RAPGEF2: variants seen among roughly 807,000 people sequenced by gnomAD.
The protein encoded by RAPGEF2 is Rap guanine nucleotide exchange factor 2.
In RAPGEF2, 54 loss-of-function variants were observed where a neutral mutation model predicts 186.7. The observed-to-expected ratio is 0.29, with a 90% CI of 0.23 to 0.36. The LOEUF (loss-of-function observed/expected upper bound fraction) is 0.36, where lower values mean the gene tolerates loss of function less well. RAPGEF2 is among the 10% of genes least tolerant of loss of function. The probability of loss-of-function intolerance (pLI) is 1.00; values close to 1 mark genes in which losing one functional copy is unlikely to be tolerated. For missense variants in RAPGEF2, 1,532 were observed against 2,045.0 expected, an observed-to-expected ratio of 0.75 and a Z score of 4.84; for synonymous variants, 712 against 705.9, an observed-to-expected ratio of 1.01 and a Z score of -0.14.
chr4:159,115,405 G>C (rs1237964030), intron 1 of RAPGEF2, among the ~76,000 whole-genome samples: 1 of 152,132 alleles, frequency 6.6e-6, no homozygotes, highest in Non-Finnish European at 1.5e-5. Flanking sequence ...AAATGAAAAA[G>C]AAAAGAGCAG....
rs1731920718 is a variant in RAPGEF2 at position 159,355,896 on chromosome 4, CGGCTA to C, written c.4696_4700del (p.Gly1566HisfsTer7). ...ATCGAGAGCCCCCGCCCACCCCTCC[CGGCTA>C]CATTGGAATTCCCATTACTGACTTT... On this transcript the variant is annotated frameshift_variant, in exon 29 of 30. Coordinates refer to ENST00000691494, the MANE Select transcript of RAPGEF2 (RefSeq NM_001394067.2). LOFTEE classifies it high-confidence loss of function. 3 of 1,555,840 alleles carry C rather than the reference CGGCTA, an allele frequency of 1.9e-6. No homozygotes were observed. The highest frequency in any genetic ancestry group is 1.9e-5 in the Admixed American group (1 of 51,834).
At position 159,135,099 on chromosome 4, in the gene RAPGEF2, A is replaced by G. The variant is rs146766077; in HGVS notation, c.69+30868A>G. The stretch of plus-strand genomic sequence containing the variant: ...CACTCCGTTGCCCAGGCTGGAGTGC[A>G]GTGGTGTGATTATGGCTCACTGCAG... On this transcript the variant is annotated intron_variant, in intron 1 of 29. Coordinates refer to ENST00000691494, the MANE Select transcript of RAPGEF2 (RefSeq NM_001394067.2). 2.0e-5 allele frequency among the ~76,000 whole-genome samples: 3 copies of G among 152,188 alleles called. No individual in the cohort carries two copies. In the East Asian group the frequency reaches 5.8e-4, roughly 29 times the overall value.
intron 24 of RAPGEF2, 117 bp downstream of exon 24, chr4:159,345,446 G>A (rs1018693442): frequency 2.4e-6 from 2 of 838,430 alleles, no homozygotes; most frequent in African/African-American, 1.7e-5. Context: ...TAGCAATCCT[G>A]AGATATACTA....
intron 4 of RAPGEF2, among the ~76,000 whole-genome samples, chr4:159,223,058 G>A (rs982095796): frequency 6.6e-6 from 1 of 151,924 alleles, no homozygotes; most frequent in African/African-American, 2.4e-5. Context: ...AATAGTGAAG[G>A]AATAGCTTAG....
At chr4:159,181,792 C>T (rs1173803392) in intron 1 of RAPGEF2, among the ~76,000 whole-genome samples, 1 of 152,140 alleles carries the variant, frequency 6.6e-6, no homozygotes, top group African/African-American at 2.4e-5. Flanking sequence ...CCGCCTCGGC[C>T]TCCCAGAGTG....
intron 4 of RAPGEF2, among the ~76,000 whole-genome samples, chr4:159,219,039 A>G (rs1210024295): frequency 6.6e-6 from 1 of 152,198 alleles, no homozygotes. Flanking sequence ...GTATAACTGA[A>G]TCTACAACTG....
At chr4:159,239,945 TC>T (rs969764395) in intron 5 of RAPGEF2, among the ~76,000 whole-genome samples, 5 of 152,208 alleles carry the variant, frequency 3.3e-5, no homozygotes, top group African/African-American at 9.6e-5. Context: ...AATGAGAACT[TC>T]CTCATCAAAG....
At chr4:159,107,019 A>G (rs1463407988) in intron 1 of RAPGEF2, among the ~76,000 whole-genome samples, 3 of 152,196 alleles carry the variant, frequency 2.0e-5, no homozygotes, top group Non-Finnish European at 4.4e-5. Flanking sequence ...GGTTATACAT[A>G]CTCAGTTTCA....
chr4:159,287,997 A>T (rs536421541), intron 7 of RAPGEF2, among the ~76,000 whole-genome samples: 4 of 152,148 alleles, frequency 2.6e-5, no homozygotes, highest in African/African-American at 4.8e-5. Flanking sequence ...ATTTGTTCTC[A>T]CAACTGTCTT....
chr4:159,196,200 C>A (rs745689163), intron 3 of RAPGEF2, among the ~76,000 whole-genome samples: 2 of 152,138 alleles, frequency 1.3e-5, no homozygotes, highest in Non-Finnish European at 2.9e-5. Flanking sequence ...GAATTGTTTT[C>A]TTCCATGATC....
rs532966072 is a variant in RAPGEF2, at chr4:159,324,316, C to T, written c.1149+699C>T. 2.0e-5 allele frequency among the ~76,000 whole-genome samples: 3 copies of T among 152,282 alleles called. No homozygotes were observed. The East Asian group carries it at 5.8e-4, about 29-fold the overall frequency. ...GTGCTGGGATTACAGGCGTGAGCCA[C>T]CATGCCTGGCACCAATAGGATTTTA... On this transcript the variant is annotated intron_variant, in intron 11 of 29. Coordinates refer to ENST00000691494, the MANE Select transcript of RAPGEF2 (RefSeq NM_001394067.2).
At chr4:159,228,084 C>T (rs552677419) in intron 4 of RAPGEF2, among the ~76,000 whole-genome samples, 7 of 152,130 alleles carry the variant, frequency 4.6e-5, no homozygotes, top group African/African-American at 1.4e-4. Context: ...GTCAGGCAGC[C>T]GCTGAGGTCA....
intron 3 of RAPGEF2, among the ~76,000 whole-genome samples, chr4:159,200,573 A>T (rs1224917631): frequency 3.7e-5 from 5 of 136,544 alleles, no homozygotes; most frequent in Non-Finnish European, 5.9e-5. Flanking sequence ...TTTGCTAGTT[A>T]AAAAAAAAGG....
intron 1 of RAPGEF2, among the ~76,000 whole-genome samples, chr4:159,131,380 G>A (rs1741050972): frequency 6.6e-6 from 1 of 152,182 alleles, no homozygotes; most frequent in South Asian, 2.1e-4. Context: ...AAAGTGCTGG[G>A]ATTACAGGCA....
chr4:159,144,698 A>AT (rs1004923053), intron 1 of RAPGEF2, among the ~76,000 whole-genome samples: 2 of 152,022 alleles, frequency 1.3e-5, no homozygotes, highest in South Asian at 2.1e-4. Context: ...AAGATAATGG[A>AT]TTTTTTCCAG....
chr4:159,274,525 T>C (rs1051320793), intron 7 of RAPGEF2, among the ~76,000 whole-genome samples: 1 of 152,238 alleles, frequency 6.6e-6, no homozygotes, highest in Non-Finnish European at 1.5e-5. Flanking sequence ...GTGTTTGTAA[T>C]TTAAATGAAA....
chr4:159,118,992 C>G (rs576907756), intron 1 of RAPGEF2, among the ~76,000 whole-genome samples: 8 of 152,248 alleles, frequency 5.3e-5, no homozygotes, highest in Admixed American at 3.9e-4. Context: ...TACTTTTTCC[C>G]ATAGATTAAC....
intron 22 of RAPGEF2, among the ~76,000 whole-genome samples, chr4:159,343,806 AAG>A (rs1220625693): frequency 6.6e-6 from 1 of 152,248 alleles, no homozygotes; most frequent in Non-Finnish European, 1.5e-5. Context: ...AATTCAGTGA[AAG>A]AGAGAAAAGT....
chr4:159,136,499 G>T (rs1381359094), intron 1 of RAPGEF2, among the ~76,000 whole-genome samples: 1 of 152,160 alleles, frequency 6.6e-6, no homozygotes, highest in East Asian at 1.9e-4. Flanking sequence ...ACAAAGAGGA[G>T]ATGTCCAGTA....
Sources: gnomAD v4.1 joint callset for allele counts (sites outside exome capture counted in the v4.1 genomes callset) on GRCh38, gnomAD v4.1.1 for gene constraint, MANE v1.5 for transcripts, NCBI Gene and HGNC (gene_info 2026-07-23, HGNC 2026-07-21) for gene names.